CPPED1: variants seen among roughly 807,000 people sequenced by gnomAD.
The protein encoded by CPPED1 is calcineurin like phosphoesterase domain containing 1, also known as serine/threonine-protein phosphatase CPPED1.
In CPPED1, 28 loss-of-function variants were observed where a neutral mutation model predicts 28.0. The observed-to-expected ratio is 1.00, with a 90% CI of 0.74 to 1.37. The LOEUF is 1.37. CPPED1 is among the 40% of genes most tolerant of loss of function. CPPED1 has a pLI of 0.00. For missense variants in CPPED1, 504 were observed against 416.5 expected (o/e 1.21, Z -1.83); for synonymous variants, 198 against 180.2 (o/e 1.10, Z -0.79).
Position 12,781,275 on chromosome 16 carries a change from G to A in CPPED1, c.199C>T (p.Leu67=), listed in dbSNP as rs765210613. 1.2e-6 allele frequency: 2 copies of A among 1,614,156 alleles called. No individual in the cohort carries two copies. Among genetic ancestry groups the A allele is most frequent in the Non-Finnish European group, 1.7e-6 (2 of 1,180,022 alleles). ...ATGGCCTGGACGGCTTGCTCAGTTA[G>A]ACGGATCTCCTGTTCCCATTCGTCA... The part of the protein sequence containing the change: ...GGDEWEQEIR[L]TEQAVQAINK... Residue 67 remains leucine (L), a synonymous_variant, in exon 2 of 4, where the codon CTA becomes TTA. Transcript: ENST00000381774.
intron 3 of CPPED1, among the ~76,000 whole-genome samples, chr16:12,700,341 CCAGAG>C (rs1332726548): frequency 1.3e-5 from 2 of 152,110 alleles, no homozygotes; most frequent in African/African-American, 4.8e-5. Flanking sequence ...AGCCTGGGGA[CCAGAG>C]CAGAGAGAGG....
At chr16:12,734,489 C>A (rs1371665211) in intron 2 of CPPED1, among the ~76,000 whole-genome samples, 1 of 152,126 alleles carries the variant, frequency 6.6e-6, no homozygotes, top group Admixed American at 6.5e-5. Flanking sequence ...ACACCATTCT[C>A]CTGCCTCAGC....
At chr16:12,734,486 T>A (rs1415306536) in intron 2 of CPPED1, among the ~76,000 whole-genome samples, 2 of 152,120 alleles carry the variant, frequency 1.3e-5, no homozygotes, top group Non-Finnish European at 2.9e-5. Flanking sequence ...TTCACACCAT[T>A]CTCCTGCCTC....
intron 2 of CPPED1, among the ~76,000 whole-genome samples, chr16:12,750,068 C>T (rs770449569): frequency 1.3e-5 from 2 of 152,308 alleles, no homozygotes; most frequent in Non-Finnish European, 1.5e-5. Context: ...CCTTAAACCT[C>T]GTGAACCTTA....
intron 1 of CPPED1, 70 bp from the exon 2 acceptor site, chr16:12,781,473 C>T: frequency 7.3e-7 from 1 of 1,368,090 alleles, no homozygotes; most frequent in South Asian, 1.3e-5. Flanking sequence ...ACCAGCTTCC[C>T]ATGCAAAGTG....
chr16:12,706,759 C>A (rs1397428830), intron 2 of CPPED1, among the ~76,000 whole-genome samples: 1 of 152,070 alleles, frequency 6.6e-6, no homozygotes, highest in African/African-American at 2.4e-5. Flanking sequence ...CTCTCGGTCC[C>A]TGGAGCAGGC....
chr16:12,668,015 A>G (rs138836976), intron 3 of CPPED1, among the ~76,000 whole-genome samples: 290 of 152,356 alleles, frequency 1.9e-3, no homozygotes, highest in Non-Finnish European at 3.6e-3. Flanking sequence ...AATGATAATC[A>G]CACAGATAGC....
At chr16:12,688,100 G>A (rs576231561) in intron 3 of CPPED1, among the ~76,000 whole-genome samples, 1 of 151,194 alleles carries the variant, frequency 6.6e-6, no homozygotes, top group East Asian at 1.9e-4. Context: ...TGCGATCATG[G>A]TTTACTGCAG....
chr16:12,722,602 G>C (rs1261989476), intron 2 of CPPED1, among the ~76,000 whole-genome samples: 1 of 152,278 alleles, frequency 6.6e-6, no homozygotes, highest in East Asian at 1.9e-4. Flanking sequence ...TAGGTGTGGT[G>C]GTGTGCACCT....
intron 1 of CPPED1, among the ~76,000 whole-genome samples, chr16:12,792,736 T>A (rs113758876): frequency 0.13 from 19,525 of 152,144 alleles, 1,341 homozygotes; most frequent in Middle Eastern, 0.17. Context: ...TCTGATGGTT[T>A]TATAAAGCGC....
At chr16:12,801,890 G>T (rs1004878925) in intron 1 of CPPED1, among the ~76,000 whole-genome samples, 3 of 152,146 alleles carry the variant, frequency 2.0e-5, no homozygotes, top group East Asian at 1.9e-4. Context: ...AGGAGGAAAT[G>T]GTTACTCAAA....
chr16:12,702,841 G>C (rs1395489482), intron 3 of CPPED1, among the ~76,000 whole-genome samples: 5 of 151,866 alleles, frequency 3.3e-5, no homozygotes, highest in African/African-American at 9.7e-5. Context: ...TGGCCAAACT[G>C]TCTCTACTAA....
At chr16:12,733,427 A>G (rs994863282) in intron 2 of CPPED1, among the ~76,000 whole-genome samples, 1 of 152,044 alleles carries the variant, frequency 6.6e-6, no homozygotes, top group Non-Finnish European at 1.5e-5. Flanking sequence ...GGCGCCCGCC[A>G]CCACATTCGG....
chr16:12,778,038 T>C (rs1191960662), intron 2 of CPPED1, among the ~76,000 whole-genome samples: 1 of 151,750 alleles, frequency 6.6e-6, no homozygotes, highest in Non-Finnish European at 1.5e-5. Context: ...ATCTCCCAAG[T>C]AGCTGAGATG....
chr16:12,748,986 C>A (rs1349303369), intron 2 of CPPED1, among the ~76,000 whole-genome samples: 1 of 151,874 alleles, frequency 6.6e-6, no homozygotes, highest in Non-Finnish European at 1.5e-5. Flanking sequence ...ATCATCTGAG[C>A]CTTCAGTGAA....
intron 2 of CPPED1, among the ~76,000 whole-genome samples, chr16:12,740,570 C>T (rs2080250101): frequency 6.6e-6 from 1 of 152,008 alleles, no homozygotes; most frequent in Non-Finnish European, 1.5e-5. Flanking sequence ...GGGATGAGGA[C>T]AATAGAAGGG....
chr16:12,748,971 T>C (rs553067546), intron 2 of CPPED1, among the ~76,000 whole-genome samples: 2 of 151,950 alleles, frequency 1.3e-5, no homozygotes, highest in Non-Finnish European at 2.9e-5. Flanking sequence ...AAAAAAATGC[T>C]AGCAATCATC....
intron 1 of CPPED1, among the ~76,000 whole-genome samples, chr16:12,801,339 C>T (rs1472557866): frequency 3.3e-5 from 5 of 152,132 alleles, no homozygotes; most frequent in South Asian, 2.1e-4. Context: ...GTGATCCACC[C>T]GCCTCAGTCT....
chr16:12,739,322 G>A (rs1292466142), intron 2 of CPPED1, among the ~76,000 whole-genome samples: 2 of 152,186 alleles, frequency 1.3e-5, no homozygotes, highest in African/African-American at 2.4e-5. Context: ...GCTCACGCCT[G>A]TAATCACAGC....
Sources: allele counts gnomAD v4.1 joint callset (sites outside exome capture counted in the v4.1 genomes callset), GRCh38; gene constraint gnomAD v4.1.1; transcripts MANE v1.5; gene names NCBI Gene and HGNC (gene_info 2026-07-23, HGNC 2026-07-21).